Variants in URB2 observed in about 807,000 individuals in gnomAD.
URB2 encodes the protein unhealthy ribosome biogenesis protein 2 homolog.
A neutral mutation model predicts 120.9 loss-of-function variants in URB2; 86 were observed. The observed-to-expected ratio is 0.71, with a 90% CI of 0.60 to 0.85. The LOEUF (loss-of-function observed/expected upper bound fraction) is 0.85. Among genes scored for constraint, URB2 ranks in the 40% least tolerant of loss-of-function variants. URB2 has a pLI of 0.00. For synonymous variants in URB2, 755 were observed against 758.4 expected (o/e 1.00, Z 0.07); for missense variants, 1,765 against 1,836.5 (o/e 0.96, Z 0.71).
In URB2 at chr1:229,638,227, C is replaced by A; in HGVS notation, c.3614C>A (p.Ser1205Tyr). The A allele has an allele frequency of 6.2e-7, 1 of 1,605,888 alleles. No individual in the cohort carries two copies. The stretch of plus-strand genomic sequence containing the variant: ...TCCGTGTTTACCTCCATGTTTCATT[C>A]TGTGAGAAGAGTTCTTGCAGGTAAG... ...KDSVFTSMFH[S>Y]VRRVLADPEI... Residue 1205 changes from serine to tyrosine, a missense_variant, in exon 4 of 10, where the codon TCT becomes TAT. Transcript: ENST00000258243.
At chr1:229,642,799 G>A (rs892178955) in intron 4 of URB2, among the ~76,000 whole-genome samples, 3 of 152,260 alleles carry the variant, frequency 2.0e-5, no homozygotes, top group South Asian at 4.1e-4. Context: ...GAACAACATA[G>A]GGGTTAAGGC....
intron 3 of URB2, among the ~76,000 whole-genome samples, chr1:229,634,237 G>A (rs183160327): frequency 2.2e-4 from 30 of 139,228 alleles, no homozygotes; most frequent in Non-Finnish European, 3.5e-4. Flanking sequence ...ACAGGGTCCC[G>A]CTCTGTCACC....
At chr1:229,651,121 G>A (rs1425175996) in intron 7 of URB2, 114 bp from the exon 8 acceptor site, 3 of 962,232 alleles carry the variant, frequency 3.1e-6, no homozygotes, top group African/African-American at 3.3e-5. Context: ...CACACAACTG[G>A]TTTGAGTGTC....
At chr1:229,630,866 C>T (rs1165927746) in intron 2 of URB2, among the ~76,000 whole-genome samples, 1 of 151,092 alleles carries the variant, frequency 6.6e-6, no homozygotes, top group Non-Finnish European at 1.5e-5. Flanking sequence ...CCTGTAATCC[C>T]AGCTACTCAG....
Position 229,636,186 on chromosome 1 carries a change from G to A in URB2, c.1573G>A (p.Val525Ile), listed in dbSNP as rs1333321579. The change falls in exon 4 of 10, where the codon GTC becomes ATC. Residue 525 changes from valine (V) to isoleucine (I), a missense_variant. By Grantham distance (29) the Val-to-Ile change is conservative. Transcript: ENST00000258243. ...TGTGCTGGAGAAGTTCCAGTCTTTA[G>A]TCTTGCCCTATTTGCAGAGTGATGC... ...SLVLEKFQSL[V>I]LPYLQSDADM... The A allele has an allele frequency of 3.1e-6, 5 of 1,613,960 alleles. No homozygotes were observed. Among genetic ancestry groups the A allele is most frequent in the Non-Finnish European group, 4.2e-6 (5 of 1,179,918 alleles).
chr1:229,639,117 A>G (rs1055739075), intron 4 of URB2, among the ~76,000 whole-genome samples: 7 of 152,070 alleles, frequency 4.6e-5, no homozygotes, highest in African/African-American at 1.7e-4. Context: ...CAACATGGCA[A>G]AACCCCATCT....
chr1:229,628,247 T>TAC (rs1665578847), intron 2 of URB2, among the ~76,000 whole-genome samples: 1 of 145,358 alleles, frequency 6.9e-6, no homozygotes, highest in South Asian at 2.1e-4. Flanking sequence ...ATATTATACA[T>TAC]ATACATATTA....
Position 229,656,030 on chromosome 1 carries a change from G to A in URB2, c.4377+1642G>A, listed in dbSNP as rs149023522. ...ATGGGGGCAGCCTGGCCATGTGAGTGCACACACCTTACCGGGTGTGGAGCC... is the reference window on the plus strand; with the variant it reads ...ATGGGGGCAGCCTGGCCATGTGAGTACACACACCTTACCGGGTGTGGAGCC... On this transcript the variant is annotated intron_variant, in intron 9 of 9. Transcript: ENST00000258243. Among the ~76,000 whole-genome samples the A allele has an allele frequency of 6.0e-3, 915 of 152,334 alleles. 4 individuals carry two copies. Among genetic ancestry groups the A allele is most frequent in the Middle Eastern group, 0.014 (4 of 294 alleles).
chr1:229,644,180 G>T (rs1475185809), intron 5 of URB2, among the ~76,000 whole-genome samples: 2 of 152,244 alleles, frequency 1.3e-5, no homozygotes, highest in African/African-American at 4.8e-5. Context: ...GAGCTCACAT[G>T]CTGGGATTTG....
rs767601896 is a variant in URB2 at position 229,636,918 on chromosome 1, A to T, written c.2305A>T (p.Thr769Ser). Residue 769 changes from threonine (T) to serine (S), a missense_variant, in exon 4 of 10, where the codon ACT (threonine) becomes TCT (serine). Transcript: ENST00000258243. ...VGYLASVLLR[T>S]LPMGKAQEVS... The stretch of plus-strand genomic sequence containing the variant: ...ATACCTGGCCAGTGTCCTGCTGAGA[A>T]CTTTACCCATGGGCAAAGCCCAGGA... The T allele has an allele frequency of 1.9e-6, 3 of 1,613,064 alleles. No individual in the cohort carries two copies. Among genetic ancestry groups the T allele is most frequent in the Non-Finnish European group, 2.5e-6 (3 of 1,179,440 alleles).
At chr1:229,641,125 G>C (rs1419799635) in intron 4 of URB2, among the ~76,000 whole-genome samples, 1 of 149,118 alleles carries the variant, frequency 6.7e-6, no homozygotes, top group African/African-American at 2.5e-5. Flanking sequence ...CGATTCCCAT[G>C]CCTCGGCCTC....
rs747643827 is a variant in URB2 at position 229,635,282 on chromosome 1, C to T, written c.669C>T (p.Gly223=). 1.2e-5 allele frequency: 20 copies of T among 1,614,106 alleles called. No individual in the cohort carries two copies. The highest frequency in any genetic ancestry group is 1.7e-5 in the Non-Finnish European group (20 of 1,180,054). The change falls in exon 4 of 10, where the codon GGC becomes GGT. Residue 223 remains glycine, a synonymous_variant. Transcript: ENST00000258243. ...SGGTWTQAGQ[G]QLRQVLSRDI... is the part of the protein sequence containing the mutation. ...GCACATGGACGCAGGCTGGCCAGGGCCAGCTGAGGCAGGTGCTGAGCCGGG... is the reference window on the plus strand; with the variant it reads ...GCACATGGACGCAGGCTGGCCAGGGTCAGCTGAGGCAGGTGCTGAGCCGGG...
chr1:229,639,295 C>T (rs1478183245), intron 4 of URB2, among the ~76,000 whole-genome samples: 3 of 150,154 alleles, frequency 2.0e-5, no homozygotes, highest in Non-Finnish European at 4.4e-5. Context: ...GATCCTGTCT[C>T]ATAAAAAAAT....
At chr1:229,653,718 A>G (rs974633120) in intron 8 of URB2, among the ~76,000 whole-genome samples, 2 of 152,204 alleles carry the variant, frequency 1.3e-5, no homozygotes, top group African/African-American at 2.4e-5. Flanking sequence ...AAGTAAATCT[A>G]AGAAGACAGT....
Position 229,632,454 on chromosome 1 carries a change from C to CT in URB2, c.303+13dup. 6.5e-7 allele frequency: 1 copy of CT among 1,541,114 alleles called. No individual in the cohort carries two copies. Among genetic ancestry groups the CT allele is most frequent in the Non-Finnish European group, 8.7e-7 (1 of 1,154,258 alleles). ...AGATTTCCCTAGTCAAGGTAATTCA[C>CT]TTTTCTGTTCTGTATGTGTTGCATG... On this transcript the variant is annotated intron_variant, in intron 3 of 9. Transcript: ENST00000258243.
intron 9 of URB2, among the ~76,000 whole-genome samples, chr1:229,658,323 A>G (rs538520935): frequency 1.1e-4 from 17 of 152,140 alleles, no homozygotes; most frequent in Non-Finnish European, 2.2e-4. Flanking sequence ...TGGGTGGAGC[A>G]TCAGATACAG....
rs1388337266 is a variant in URB2, at chr1:229,638,015, T to G, written c.3402T>G (p.Asp1134Glu). ...CCGACCTGGGTCAGCACTGCAGGGA[T>G]GGAGGGGCCGACATTTCCCAAGGAA... ...LEADLGQHCR[D>E]GGADISQGSD... The change falls in exon 4 of 10, where the codon GAT becomes GAG. Residue 1134 changes from aspartate to glutamate, a missense_variant. Asp to Glu is a conservative substitution (Grantham distance 45, BLOSUM62 2). Transcript: ENST00000258243. 6.2e-7 allele frequency: 1 copy of G among 1,613,300 alleles called. No homozygotes were observed. The highest frequency in any genetic ancestry group is 2.2e-5 in the East Asian group (1 of 44,842).
rs1227103558 is a variant in URB2, at chr1:229,654,377, G to C, written c.4366G>C (p.Glu1456Gln). 6.2e-7 allele frequency: 1 copy of C among 1,614,176 alleles called. No homozygotes were observed. Among genetic ancestry groups the C allele is most frequent in the Admixed American group, 1.7e-5 (1 of 60,022 alleles). The change falls in exon 9 of 10, where the codon GAG becomes CAG. Residue 1456 changes from glutamate to glutamine, a missense_variant. Coordinates refer to ENST00000258243, the MANE Select transcript of URB2 (RefSeq NM_014777.4). Reference sequence around the variant, plus strand: ...ATTTATGGTGGCCCAGTACGTGTTGGAGGTACAGAAGGTAAAATTGGGTTC... The same window carrying C: ...ATTTATGGTGGCCCAGTACGTGTTGCAGGTACAGAAGGTAAAATTGGGTTC... Reference protein sequence around the residue: ...SPFMVAQYVLEVQKVTLYPAV... With the variant: ...SPFMVAQYVLQVQKVTLYPAV...
At chr1:229,627,213 A>G (rs1665514623) in intron 1 of URB2, among the ~76,000 whole-genome samples, 1 of 152,206 alleles carries the variant, frequency 6.6e-6, no homozygotes, top group African/African-American at 2.4e-5. Flanking sequence ...TTGGAGACAT[A>G]TTACTTTCTC....
Sources: allele counts gnomAD v4.1 joint callset (sites outside exome capture counted in the v4.1 genomes callset), GRCh38; gene constraint gnomAD v4.1.1; transcripts MANE v1.5; gene names NCBI Gene and HGNC (gene_info 2026-07-23, HGNC 2026-07-21).